The following ADAMTSL1 variants were observed in gnomAD, a reference collection of about 807,000 sequenced individuals.
ADAMTSL1 encodes ADAMTS-like protein 1.
A neutral mutation model predicts 201.8 loss-of-function variants in ADAMTSL1; 126 were observed. The ratio of observed to expected loss-of-function variants is 0.62; its 90% CI spans 0.54 to 0.72. The LOEUF is 0.72. Ranked by LOEUF, ADAMTSL1 falls within the 30% of genes least tolerant of loss-of-function variation. The pLI is 0.00. For synonymous variants in ADAMTSL1, 1,121 were observed against 903.4 expected, an observed-to-expected ratio of 1.24 and a Z score of -4.32; for missense variants, 2,679 against 2,277.8, an observed-to-expected ratio of 1.18 and a Z score of -3.59.
chr9:18,819,469 A>T (rs1469627237), intron 21 of ADAMTSL1, among the ~76,000 whole-genome samples: 1 of 151,760 alleles, frequency 6.6e-6, no homozygotes, highest in African/African-American at 2.4e-5. Context: ...AAAAAAAAAA[A>T]AATAGGGGAG....
At chr9:18,393,352 C>T (rs956893155) in intron 2 of ADAMTSL1, among the ~76,000 whole-genome samples, 1 of 152,102 alleles carries the variant, frequency 6.6e-6, no homozygotes, top group African/African-American at 2.4e-5. Context: ...TTCATGGTTG[C>T]TTGGACCTGG....
intron 3 of ADAMTSL1, among the ~76,000 whole-genome samples, chr9:18,572,570 C>G (rs554316787): frequency 6.6e-6 from 1 of 152,136 alleles, no homozygotes; most frequent in Non-Finnish European, 1.5e-5. Flanking sequence ...ATGTCTTTGA[C>G]ATTTTATATT....
chr9:18,888,970 T>C (rs946719712), intron 24 of ADAMTSL1, among the ~76,000 whole-genome samples: 3 of 152,222 alleles, frequency 2.0e-5, no homozygotes, highest in African/African-American at 4.8e-5. Flanking sequence ...ACTTGTAATA[T>C]GCAACTTTGC....
intron 1 of ADAMTSL1, among the ~76,000 whole-genome samples, chr9:17,918,433 G>C (rs1294952254): frequency 6.6e-6 from 1 of 151,384 alleles, no homozygotes; most frequent in East Asian, 1.9e-4. Context: ...TAAATATTTG[G>C]GGATTATCTG....
At chr9:17,935,211 C>G (rs1303512761) in intron 1 of ADAMTSL1, among the ~76,000 whole-genome samples, 1 of 152,062 alleles carries the variant, frequency 6.6e-6, no homozygotes, top group Non-Finnish European at 1.5e-5. Context: ...GTCATGCCCT[C>G]TTCCTGGAAG....
intron 1 of ADAMTSL1, among the ~76,000 whole-genome samples, chr9:18,133,129 G>T (rs919616526): frequency 1.3e-5 from 2 of 152,006 alleles, no homozygotes; most frequent in Non-Finnish European, 2.9e-5. Flanking sequence ...AAGGGGCTAG[G>T]GTTCAGACTT....
intron 2 of ADAMTSL1, among the ~76,000 whole-genome samples, chr9:18,413,746 G>A (rs1421512972): frequency 2.0e-5 from 3 of 152,208 alleles, no homozygotes; most frequent in Non-Finnish European, 4.4e-5. Context: ...TAGCTTCAAA[G>A]TCTTGGTTGT....
intron 2 of ADAMTSL1, among the ~76,000 whole-genome samples, chr9:18,394,741 C>A (rs1048550621): frequency 1.4e-4 from 22 of 152,194 alleles, no homozygotes; most frequent in African/African-American, 4.1e-4. Context: ...AAAATAGTTA[C>A]CAACTCTCCA....
intron 2 of ADAMTSL1, among the ~76,000 whole-genome samples, chr9:18,168,435 T>A (rs559303852): frequency 4.1e-4 from 62 of 152,138 alleles, no homozygotes; most frequent in Middle Eastern, 6.8e-3. Context: ...TTCATCCATG[T>A]CCCTACAAAG....
chr9:18,625,325 C>T (rs1224457571), intron 5 of ADAMTSL1, among the ~76,000 whole-genome samples: 2 of 150,004 alleles, frequency 1.3e-5, no homozygotes, highest in Non-Finnish European at 3.0e-5. Context: ...AAAGCAAAAA[C>T]AGGAAAGTGG....
At chr9:18,465,979 G>A (rs1007249805) in intron 2 of ADAMTSL1, among the ~76,000 whole-genome samples, 2 of 152,088 alleles carry the variant, frequency 1.3e-5, no homozygotes, top group African/African-American at 4.8e-5. Flanking sequence ...TCGAACTCCT[G>A]ACCTCAGGTG....
chr9:18,907,109 C>T (rs1026875596), intron 28 of ADAMTSL1, 197 bp downstream of exon 28: 18 of 607,578 alleles, frequency 3.0e-5, no homozygotes, highest in Middle Eastern at 2.6e-4. Flanking sequence ...ACAGGGTATG[C>T]CCCAAGGGCT....
chr9:18,871,287 C>T (rs1827858104), intron 23 of ADAMTSL1, among the ~76,000 whole-genome samples: 1 of 152,138 alleles, frequency 6.6e-6, no homozygotes, highest in Non-Finnish European at 1.5e-5. Context: ...TTCTTATTAG[C>T]CACTTATTTG....
chr9:18,865,463 C>T (rs1043847683), intron 23 of ADAMTSL1, among the ~76,000 whole-genome samples: 1 of 152,108 alleles, frequency 6.6e-6, no homozygotes, highest in Non-Finnish European at 1.5e-5. Context: ...GGGTTGGTTC[C>T]AAGTCTTTGC....
intron 3 of ADAMTSL1, among the ~76,000 whole-genome samples, chr9:18,538,751 G>A (rs915196016): frequency 7.2e-5 from 11 of 152,120 alleles, no homozygotes; most frequent in Non-Finnish European, 1.6e-4. Context: ...TTAACAGTGG[G>A]CGTAAGGTAA....
intron 14 of ADAMTSL1, among the ~76,000 whole-genome samples, chr9:18,721,118 C>G (rs1833333241): frequency 6.6e-6 from 1 of 152,198 alleles, no homozygotes; most frequent in African/African-American, 2.4e-5. Flanking sequence ...CTTGGGCCTC[C>G]CTTCCAAATA....
chr9:18,684,694 T>C (rs1383573293), intron 12 of ADAMTSL1, 22 bp from the exon 13 acceptor site: 1 of 1,609,194 alleles, frequency 6.2e-7, no homozygotes, highest in Non-Finnish European at 8.5e-7. Context: ...TTCTTTTGTA[T>C]GTGCATGCAC....
chr9:18,892,381 C>T lies in ADAMTSL1; in HGVS notation c.4644-8C>T, dbSNP rs779377830. The T allele has an allele frequency of 3.7e-6, 6 of 1,609,546 alleles. No individual in the cohort carries two copies. Among genetic ancestry groups the T allele is most frequent in the African/African-American group, 1.3e-5 (1 of 74,878 alleles). On this transcript the variant is annotated splice_region_variant and splice_polypyrimidine_tract_variant and intron_variant, in intron 25 of 28. Transcript: ENST00000380548. ...TAGGGCTCTCCTGACACTTCTTCCT[C>T]TCCCCAGGTGGATGGTGACCTCCTG...
intron 7 of ADAMTSL1, among the ~76,000 whole-genome samples, chr9:18,647,476 A>G (rs368668440): frequency 3.3e-5 from 5 of 151,822 alleles, no homozygotes; most frequent in East Asian, 1.9e-4. Context: ...TAATTGTGAT[A>G]TTAGGGTGTC....
Sources: allele counts gnomAD v4.1 joint callset (sites outside exome capture counted in the v4.1 genomes callset), GRCh38; gene constraint gnomAD v4.1.1; transcripts MANE v1.5; gene names NCBI Gene and HGNC (gene_info 2026-07-23, HGNC 2026-07-21).